The following LARGE1 variants were observed in gnomAD, a reference collection of about 807,000 sequenced individuals.
The protein encoded by LARGE1 is LARGE xylosyl- and glucuronyltransferase 1.
A neutral mutation model predicts 87.6 loss-of-function variants in LARGE1; 43 were observed. The ratio of observed to expected loss-of-function variants is 0.49; its 90% CI spans 0.38 to 0.63. The LOEUF (loss-of-function observed/expected upper bound fraction) is 0.63, where lower values mean the gene tolerates loss of function less well. LARGE1 is among the 30% of genes least tolerant of loss of function. The pLI is 0.00. For missense variants in LARGE1, 802 were observed against 1,000.2 expected (o/e 0.80, Z 2.67); for synonymous variants, 434 against 394.6 (o/e 1.10, Z -1.18).
intron 6 of LARGE1, among the ~76,000 whole-genome samples, chr22:33,442,551 G>C (rs888732119): frequency 6.6e-6 from 1 of 152,172 alleles, no homozygotes; most frequent in African/African-American, 2.4e-5. Context: ...GGGGATTTCT[G>C]TACTGCGCAG....
chr22:33,605,617 G>GA (rs1336354169), intron 4 of LARGE1, among the ~76,000 whole-genome samples: 1 of 152,196 alleles, frequency 6.6e-6, no homozygotes, highest in Non-Finnish European at 1.5e-5. Flanking sequence ...CTACTGGCTA[G>GA]ATACAAAGCA....
intron 1 of LARGE1, among the ~76,000 whole-genome samples, chr22:33,895,701 G>A (rs1359127522): frequency 6.6e-6 from 1 of 152,188 alleles, no homozygotes; most frequent in Non-Finnish European, 1.5e-5. Context: ...AAGCCAAGAA[G>A]GAAATCCTTC....
At chr22:33,714,526 C>T (rs917212791) in intron 2 of LARGE1, among the ~76,000 whole-genome samples, 9 of 152,150 alleles carry the variant, frequency 5.9e-5, no homozygotes, top group Admixed American at 5.9e-4. Flanking sequence ...ATAATAACTG[C>T]TTTAATCATA....
At chr22:33,304,804 A>C (rs183404333) in intron 11 of LARGE1, among the ~76,000 whole-genome samples, 189 of 152,278 alleles carry the variant, frequency 1.2e-3, no homozygotes, top group African/African-American at 3.4e-3. Flanking sequence ...AATGATTTGA[A>C]GATCCCCTTC....
At chr22:33,527,328 C>G (rs1255034763) in intron 6 of LARGE1, among the ~76,000 whole-genome samples, 1 of 152,150 alleles carries the variant, frequency 6.6e-6, no homozygotes, top group Non-Finnish European at 1.5e-5. Context: ...TCTGTTTTCC[C>G]AAGCGTACTC....
the LARGE1 span, among the ~76,000 whole-genome samples, chr22:33,136,083 G>A: frequency 1.3e-5 from 2 of 151,844 alleles, no homozygotes; most frequent in African/African-American, 4.9e-5. Context: ...TTAAGTAATT[G>A]GACTAGGTGC....
chr22:33,860,471 G>C (rs571180437), intron 1 of LARGE1, among the ~76,000 whole-genome samples: 6 of 152,050 alleles, frequency 3.9e-5, no homozygotes, highest in Non-Finnish European at 8.8e-5. Flanking sequence ...TGTGGCCAGA[G>C]AAGTTAAGGG....
intron 6 of LARGE1, among the ~76,000 whole-genome samples, chr22:33,559,899 T>C (rs2077803742): frequency 6.6e-6 from 1 of 152,178 alleles, no homozygotes; most frequent in South Asian, 2.1e-4. Context: ...GCCTTTGTTC[T>C]CTGAATGCCT....
intron 6 of LARGE1, among the ~76,000 whole-genome samples, chr22:33,544,495 T>A (rs1315313417): frequency 6.6e-6 from 1 of 152,104 alleles, no homozygotes; most frequent in Non-Finnish European, 1.5e-5. Context: ...GAGACCTGCC[T>A]GGCCAACATG....
At chr22:33,519,118 A>G (rs1242570000) in intron 6 of LARGE1, among the ~76,000 whole-genome samples, 1 of 152,190 alleles carries the variant, frequency 6.6e-6, no homozygotes, top group African/African-American at 2.4e-5. Flanking sequence ...TTAAAAAAAA[A>G]TCTCATGGAT....
intron 10 of LARGE1, among the ~76,000 whole-genome samples, chr22:33,336,257 G>C (rs953369484): frequency 1.3e-5 from 2 of 152,180 alleles, no homozygotes; most frequent in African/African-American, 4.8e-5. Context: ...CTTGAGTGTA[G>C]TGGCATGATC....
intron 12 of LARGE1, among the ~76,000 whole-genome samples, chr22:33,297,247 G>A (rs1191041147): frequency 6.6e-6 from 1 of 152,190 alleles, no homozygotes; most frequent in Non-Finnish European, 1.5e-5. Flanking sequence ...GGAGAAAAGA[G>A]TCGAACAGAA....
At chr22:33,558,181 C>T (rs1327024106) in intron 6 of LARGE1, among the ~76,000 whole-genome samples, 1 of 152,170 alleles carries the variant, frequency 6.6e-6, no homozygotes, top group Non-Finnish European at 1.5e-5. Context: ...GAAGGGGGCA[C>T]ACTGGGCCAG....
Position 33,304,111 on chromosome 22 carries a change from C to T in LARGE1, c.1730+118G>A, listed in dbSNP as rs80188851. 6,671 of 1,166,314 alleles carry T rather than the reference C, an allele frequency of 5.7e-3. 258 individuals are homozygous for T. The African/African-American group carries it at 0.089, about 16-fold the overall frequency. The allele number at this position is 1,166,314 out of a possible 1,614,324, so 72.2% of individuals were successfully genotyped here. ...CCTTCCCCTTTCTGGGTCTCTGCTGCCCCATCTGGAAAAGAAACCTGTTGG... is the reference window on the plus strand; with the variant it reads ...CCTTCCCCTTTCTGGGTCTCTGCTGTCCCATCTGGAAAAGAAACCTGTTGG... On this transcript the variant is annotated intron_variant, in intron 12 of 14. Transcript: ENST00000397394.
chr22:33,452,114 CA>C (rs1336996315), intron 6 of LARGE1, among the ~76,000 whole-genome samples: 3 of 152,214 alleles, frequency 2.0e-5, no homozygotes, highest in Non-Finnish European at 4.4e-5. Flanking sequence ...GACTATACGT[CA>C]GGCACTATTC....
intron 6 of LARGE1, among the ~76,000 whole-genome samples, chr22:33,552,923 C>A (rs181509895): frequency 6.6e-6 from 1 of 152,106 alleles, no homozygotes; most frequent in Admixed American, 6.5e-5. Context: ...AGCTGAATTG[C>A]GAAGTGCCTG....
chr22:33,509,918 T>C (rs1033598196), intron 6 of LARGE1, among the ~76,000 whole-genome samples: 1 of 152,126 alleles, frequency 6.6e-6, no homozygotes, highest in Non-Finnish European at 1.5e-5. Flanking sequence ...CCTATGACAA[T>C]TTTGCATTTG....
At chr22:33,675,580 G>T (rs1245836712) in intron 2 of LARGE1, among the ~76,000 whole-genome samples, 1 of 152,134 alleles carries the variant, frequency 6.6e-6, no homozygotes, top group Non-Finnish European at 1.5e-5. Context: ...GAAACAGGGT[G>T]AACAAGGAGA....
chr22:33,816,136 G>A (rs958444465), intron 1 of LARGE1, among the ~76,000 whole-genome samples: 5 of 152,082 alleles, frequency 3.3e-5, no homozygotes, highest in African/African-American at 7.2e-5. Context: ...CTGACTCAGC[G>A]AGCAACCTCT....
Sources: allele counts gnomAD v4.1 joint callset (sites outside exome capture counted in the v4.1 genomes callset), GRCh38; gene constraint gnomAD v4.1.1; transcripts MANE v1.5; gene names NCBI Gene and HGNC (gene_info 2026-07-23, HGNC 2026-07-21).